Variants in APBA2 observed in about 807,000 individuals in gnomAD.
APBA2 encodes amyloid beta precursor protein binding family A member 2.
In APBA2, 30 loss-of-function variants were observed where a neutral mutation model predicts 75.0. That is an observed-to-expected ratio of 0.40 (90% CI 0.30 to 0.54). The LOEUF is 0.54. Among genes scored for constraint, APBA2 ranks in the 20% least tolerant of loss-of-function variants. The probability of loss-of-function intolerance (pLI) is 0.49; values close to 1 mark genes in which losing one functional copy is unlikely to be tolerated. For missense variants in APBA2, 801 were observed against 1,016.1 expected (o/e 0.79, Z 2.88); for synonymous variants, 444 against 409.6 (o/e 1.08, Z -1.01).
intron 8 of APBA2, among the ~76,000 whole-genome samples, chr15:29,097,859 C>T (rs899182985): frequency 2.6e-5 from 4 of 152,202 alleles, no homozygotes; most frequent in African/African-American, 9.6e-5. Flanking sequence ...CTCTCTACTT[C>T]TGTGAGATCG....
intron 2 of APBA2, among the ~76,000 whole-genome samples, chr15:28,927,949 A>G (rs2034362408): frequency 6.6e-6 from 1 of 151,138 alleles, no homozygotes. Flanking sequence ...TTTGAGACCA[A>G]TCTGACCAAC....
chr15:28,954,620 T>C (rs570406977), intron 2 of APBA2, among the ~76,000 whole-genome samples: 1 of 152,024 alleles, frequency 6.6e-6, no homozygotes. Context: ...CCTGTGGGGG[T>C]TGGGGGCTTG....
At chr15:29,071,871 A>G (rs2152921162) in intron 4 of APBA2, among the ~76,000 whole-genome samples, 1 of 152,042 alleles carries the variant, frequency 6.6e-6, no homozygotes, top group East Asian at 1.9e-4. Context: ...CCTAGAGACA[A>G]CCTTGTGTTG....
At position 29,098,471 on chromosome 15, in the gene APBA2, T is replaced by C. The variant is rs767559366; in HGVS notation, c.1252-19T>C. 3 of 1,599,702 alleles carry C rather than the reference T, an allele frequency of 1.9e-6. No homozygotes were observed. Among genetic ancestry groups the C allele is most frequent in the Non-Finnish European group, 2.6e-6 (3 of 1,166,800 alleles). ...CGAGTTGGTTTTTGGACTTTAACAA[T>C]ATCCACTGTCCTTCTTAGAATTCTG... On this transcript the variant is annotated intron_variant, in intron 8 of 14. Transcript: ENST00000683413.
chr15:29,084,152 T>G (rs887574366), intron 6 of APBA2, among the ~76,000 whole-genome samples: 2 of 152,218 alleles, frequency 1.3e-5, no homozygotes, highest in Admixed American at 6.5e-5. Context: ...CCTTAGTGAA[T>G]TCTCTTATTT....
chr15:29,077,333 C>T (rs2152927554), intron 6 of APBA2, among the ~76,000 whole-genome samples: 1 of 152,302 alleles, frequency 6.6e-6, no homozygotes, highest in Non-Finnish European at 1.5e-5. Flanking sequence ...TGCCATTTTC[C>T]TTGGCAGGCA....
chr15:28,984,254 C>T (rs1329507410), intron 2 of APBA2, among the ~76,000 whole-genome samples: 1 of 152,110 alleles, frequency 6.6e-6, no homozygotes, highest in African/African-American at 2.4e-5. Context: ...GCAGGGGGAG[C>T]TGCGGAGGCA....
chr15:28,968,129 A>G (rs570969168), intron 2 of APBA2, among the ~76,000 whole-genome samples: 36 of 152,350 alleles, frequency 2.4e-4, no homozygotes, highest in East Asian at 1.9e-3. Context: ...TTGCCTGTGA[A>G]GGCTGAATAA....
intron 2 of APBA2, among the ~76,000 whole-genome samples, chr15:28,966,378 G>C (rs568066787): frequency 3.3e-5 from 5 of 151,990 alleles, no homozygotes; most frequent in African/African-American, 9.7e-5. Context: ...TGGTCTGGGG[G>C]GTACGCATTT....
At chr15:28,911,995 A>G (rs1357605606) in intron 1 of APBA2, among the ~76,000 whole-genome samples, 1 of 152,246 alleles carries the variant, frequency 6.6e-6, no homozygotes, top group African/African-American at 2.4e-5. Flanking sequence ...CGGAAATCCT[A>G]TATAGCAATG....
intron 3 of APBA2, among the ~76,000 whole-genome samples, chr15:29,020,734 C>T (rs1350096126): frequency 1.3e-5 from 2 of 151,770 alleles, no homozygotes; most frequent in African/African-American, 4.8e-5. Context: ...TGCTTGAACC[C>T]GGGAGGCAGA....
intron 2 of APBA2, among the ~76,000 whole-genome samples, chr15:28,924,262 G>A (rs999812171): frequency 6.6e-6 from 1 of 152,076 alleles, no homozygotes; most frequent in Non-Finnish European, 1.5e-5. Context: ...TTAAAAAAGT[G>A]GGTAAAATTC....
intron 3 of APBA2, among the ~76,000 whole-genome samples, chr15:29,052,107 T>G (rs924366138): frequency 1.3e-5 from 2 of 152,172 alleles, no homozygotes; most frequent in African/African-American, 4.8e-5. Flanking sequence ...GCATGTGTAA[T>G]GTAAGAGTAC....
chr15:28,979,880 C>T (rs2037533845), intron 2 of APBA2, among the ~76,000 whole-genome samples: 1 of 152,162 alleles, frequency 6.6e-6, no homozygotes, highest in South Asian at 2.1e-4. Flanking sequence ...GTCTTTGCAT[C>T]AGTTATTTTA....
At chr15:28,990,352 A>G (rs2152782359) in intron 2 of APBA2, 1 of 151,354 alleles carries the variant, frequency 6.6e-6, no homozygotes, top group South Asian at 2.1e-4. Context: ...GAGAGGTTGC[A>G]GTGAGCTGCA....
At chr15:28,963,101 C>T (rs1442969374) in intron 2 of APBA2, among the ~76,000 whole-genome samples, 1 of 152,120 alleles carries the variant, frequency 6.6e-6, no homozygotes, top group Non-Finnish European at 1.5e-5. Context: ...AGACCTAAAG[C>T]CTTTAGTGAA....
Position 28,918,928 on chromosome 15 carries a change from T to C in APBA2, c.-204-2712T>C, listed in dbSNP as rs141046559. Among the ~76,000 whole-genome samples, 11,083 of 151,928 alleles carry C rather than the reference T, an allele frequency of 0.073. 1,191 individuals are homozygous for C. Among genetic ancestry groups the C allele is most frequent in the African/African-American group, 0.24 (9,836 of 41,352 alleles). ...AGGCTGGAGTGCAGTGGCGCTATCT[T>C]GGCTCACTGCAAGCTCCGCCTCCAG... On this transcript the variant is annotated intron_variant, in intron 1 of 14. Coordinates refer to ENST00000683413, the MANE Select transcript of APBA2 (RefSeq NM_001353788.2). This position sits in a 1 kb window ranked among gnomAD's most constrained non-coding sequence, Gnocchi z 4.2.
At chr15:28,984,756 C>CTT (rs1555386628) in intron 2 of APBA2, among the ~76,000 whole-genome samples, 2 of 137,616 alleles carry the variant, frequency 1.5e-5, no homozygotes, top group African/African-American at 6.0e-5. Flanking sequence ...CTATCTCTCT[C>CTT]CCCCCCCACC....
chr15:29,048,650 T>C (rs768914245), intron 3 of APBA2, among the ~76,000 whole-genome samples: 1 of 152,002 alleles, frequency 6.6e-6, no homozygotes, highest in Non-Finnish European at 1.5e-5. Flanking sequence ...ATTTAGTGTA[T>C]GATGGCTGGG....
Sources: allele counts gnomAD v4.1 joint callset (sites outside exome capture counted in the v4.1 genomes callset), GRCh38; gene constraint gnomAD v4.1.1; non-coding constraint Gnocchi (gnomAD v3.1); transcripts MANE v1.5; gene names NCBI Gene and HGNC (gene_info 2026-07-23, HGNC 2026-07-21).